Variants in ST6GALNAC2 observed in about 807,000 individuals in gnomAD.
ST6GALNAC2 encodes alpha-N-acetylgalactosaminide alpha-2,6-sialyltransferase 2.
ST6GALNAC2 carries 42 observed loss-of-function variants against 38.7 expected under a neutral mutation model. The observed-to-expected ratio is 1.09, with a 90% CI of 0.85 to 1.40. The LOEUF is 1.40. Ranked by LOEUF, ST6GALNAC2 falls within the 40% of genes most tolerant of loss-of-function variation. The probability of loss-of-function intolerance (pLI) is 0.00; values close to 1 mark genes in which losing one functional copy is unlikely to be tolerated. For synonymous variants in ST6GALNAC2, 233 were observed against 209.0 expected, an observed-to-expected ratio of 1.11 and a Z score of -0.99; for missense variants, 506 against 481.7, an observed-to-expected ratio of 1.05 and a Z score of -0.47.
chr17:76,583,528 A>G lies in ST6GALNAC2; in HGVS notation c.125+2156T>C, dbSNP rs78345906. ...ACTGTCCCCAAAAGATTATTTTTAT[A>G]AGAAAAGGAATTCATTTCTTACAGT... On this transcript the variant is annotated intron_variant, in intron 1 of 8. Coordinates refer to ENST00000225276, the MANE Select transcript of ST6GALNAC2 (RefSeq NM_006456.3). 2.4e-3 allele frequency among the ~76,000 whole-genome samples: 370 copies of G among 152,068 alleles called. 1 individual carries two copies. Among genetic ancestry groups the G allele is most frequent in the African/African-American group, 8.6e-3 (357 of 41,506 alleles).
At chr17:76,567,931 A>AC (rs2075305436) in intron 7 of ST6GALNAC2, 1 of 269,788 alleles carries the variant, frequency 3.7e-6, no homozygotes, top group East Asian at 9.5e-5. Context: ...CTGTGACCGG[A>AC]CCCACACAGT....
intron 2 of ST6GALNAC2, among the ~76,000 whole-genome samples, chr17:76,576,593 A>T (rs1327471009): frequency 6.6e-6 from 1 of 152,130 alleles, no homozygotes; most frequent in Non-Finnish European, 1.5e-5. Flanking sequence ...GCATGTGTGT[A>T]CTTTTTGTGT....
intron 8 of ST6GALNAC2, among the ~76,000 whole-genome samples, chr17:76,566,805 G>A (rs944483511): frequency 6.6e-6 from 1 of 152,006 alleles, no homozygotes; most frequent in Non-Finnish European, 1.5e-5. Context: ...CTGCACTTAA[G>A]CCTGGGTGAC....
At chr17:76,583,383 A>AAAAAAAAAAAAAG (rs2075503171) in intron 1 of ST6GALNAC2, among the ~76,000 whole-genome samples, 1 of 151,304 alleles carries the variant, frequency 6.6e-6, no homozygotes, top group African/African-American at 2.4e-5. Context: ...CCCAAAAAAA[A>AAAAAAAAAAAAAG]AAAGAAGATA....
In ST6GALNAC2 at chr17:76,567,367, C is replaced by T. The variant is rs1431452684; in HGVS notation, c.957+86G>A. The T allele has an allele frequency of 4.1e-5, 40 of 967,684 alleles. 1 individual carries two copies. In the Admixed American group the frequency reaches 5.4e-4, roughly 13 times the overall value. The allele number at this position is 967,684 out of a possible 1,614,324, so 59.9% of individuals were successfully genotyped here. On this transcript the variant is annotated intron_variant, in intron 8 of 8. Transcript: ENST00000225276. Reference sequence around the variant, plus strand: ...GAACAGAGGCCAAGAGTCCCAGCTCCGAGGTAAGGGATATCAGGGGATCCT... The same window carrying T: ...GAACAGAGGCCAAGAGTCCCAGCTCTGAGGTAAGGGATATCAGGGGATCCT...
rs1567930609 is a variant in ST6GALNAC2 at position 76,574,395 on chromosome 17, G to A, written c.331C>T (p.Pro111Ser). 6.2e-7 allele frequency: 1 copy of A among 1,613,694 alleles called. No homozygotes were observed. Among genetic ancestry groups the A allele is most frequent in the Non-Finnish European group, 8.5e-7 (1 of 1,179,834 alleles). ...TGAGAGAGCCCCCGCCAGCCATACGGGGCTTTGTGTTGGCTCAGGCGGTCC... is the reference window on the plus strand; with the variant it reads ...TGAGAGAGCCCCCGCCAGCCATACGAGGCTTTGTGTTGGCTCAGGCGGTCC... ...LWDRLSQHKA[P>S]YGWRGLSHQV... Residue 111 changes from proline (P) to serine (S), a missense_variant, in exon 3 of 9, where the codon CCG (proline) becomes TCG (serine). Coordinates refer to ENST00000225276, the MANE Select transcript of ST6GALNAC2 (RefSeq NM_006456.3).
chr17:76,577,087 A>G (rs1378318614), intron 2 of ST6GALNAC2, among the ~76,000 whole-genome samples: 1 of 120,532 alleles, frequency 8.3e-6, no homozygotes, highest in Non-Finnish European at 1.6e-5. Flanking sequence ...TTTTTTTGAG[A>G]CGGAGTTTCG....
In ST6GALNAC2 at chr17:76,570,717, G is replaced by C. The variant is rs376824198; in HGVS notation, c.670-49C>G. On this transcript the variant is annotated intron_variant, in intron 5 of 8. Transcript: ENST00000225276. ...CCAGAGGGGAACCAGGACATGTTTA[G>C]CTCCTCAGTGTGGACAGCCCTCCAC... 442 of 1,448,154 alleles carry C rather than the reference G, an allele frequency of 3.1e-4. 3 individuals carry two copies. The highest frequency in any genetic ancestry group is 1.6e-4 in the Non-Finnish European group (163 of 1,047,444). 89.7% of individuals were successfully genotyped at this position (1,448,154 alleles called of 1,614,324 possible).
At chr17:76,566,484 G>C (rs2075284682) in intron 8 of ST6GALNAC2, among the ~76,000 whole-genome samples, 1 of 152,070 alleles carries the variant, frequency 6.6e-6, no homozygotes. Context: ...AGCTGGATTT[G>C]GAACTCAAGG....
intron 8 of ST6GALNAC2, 104 bp downstream of exon 8, chr17:76,567,349 G>A: frequency 5.0e-6 from 4 of 805,532 alleles, no homozygotes; most frequent in Non-Finnish European, 8.4e-6. Flanking sequence ...CACGAACAGA[G>A]GCCAAGAGTC....
intron 5 of ST6GALNAC2, 30 bp downstream of exon 5, chr17:76,572,607 C>T: frequency 1.2e-6 from 2 of 1,612,912 alleles, no homozygotes; most frequent in Non-Finnish European, 1.7e-6. Context: ...CCATTGTCAA[C>T]CACAATGGCA....
In ST6GALNAC2 at chr17:76,573,068, C is replaced by T. The variant is rs551931263; in HGVS notation, c.530+127G>A. On this transcript the variant is annotated intron_variant, in intron 4 of 8. Transcript: ENST00000225276. The surrounding 1 kb of genome is among the most constrained non-coding windows in gnomAD (Gnocchi z 5.1). ...TGTTTGTTTTTGCCTTGTCCATGCC[C>T]GTGTGCTGGTCACAACTGCTGAGCC... The T allele has an allele frequency of 1.6e-5, 17 of 1,075,328 alleles. No individual in the cohort carries two copies. The East Asian group carries it at 2.6e-4, about 16-fold the overall frequency. 66.6% of individuals were successfully genotyped at this position (1,075,328 alleles called of 1,614,324 possible).
intron 5 of ST6GALNAC2, among the ~76,000 whole-genome samples, chr17:76,571,405 C>T (rs757067343): frequency 3.3e-5 from 5 of 152,154 alleles, no homozygotes; most frequent in Non-Finnish European, 5.9e-5. Context: ...ACCAGCCTGG[C>T]CAACATGGTG....
rs773610483 is a variant in ST6GALNAC2 at position 76,567,453 on chromosome 17, C to G, written c.957G>C (p.Gln319His). 1 of 1,612,032 alleles carries G rather than the reference C, an allele frequency of 6.2e-7. No individual in the cohort carries two copies. Among genetic ancestry groups the G allele is most frequent in the Non-Finnish European group, 8.5e-7 (1 of 1,178,388 alleles). Reference sequence around the variant, plus strand: ...GCTTCTGGAAGAGAAGGCCTCTTACCTGGTCACAGGTATGCAAAGCTGTCA... The same window carrying G: ...GCTTCTGGAAGAGAAGGCCTCTTACGTGGTCACAGGTATGCAAAGCTGTCA... ...MLLTALHTCDQVSAYGFITSN... is the reference protein window; with the variant it reads ...MLLTALHTCDHVSAYGFITSN... Residue 319 changes from glutamine (Q) to histidine (H), a missense_variant and splice_region_variant, in exon 8 of 9, where the codon CAG becomes CAC. By Grantham distance (24) the Gln-to-His change is conservative. Transcript: ENST00000225276.
In ST6GALNAC2 at chr17:76,578,611, G is replaced by A. The variant is rs2075443234; in HGVS notation, c.186+145C>T. The stretch of plus-strand genomic sequence containing the variant: ...TTGGTCAGGTCTGAGAGGCCCTGAA[G>A]GGACGGATGCTCAGCTGTAACTTAG... On this transcript the variant is annotated intron_variant, in intron 2 of 8. Transcript: ENST00000225276. 4 of 696,302 alleles carry A rather than the reference G, an allele frequency of 5.7e-6. No individual in the cohort carries two copies. In the East Asian group the frequency reaches 8.0e-5, roughly 14 times the overall value. The allele number at this position is 696,302 out of a possible 1,614,324, so 43.1% of individuals were successfully genotyped here.
At chr17:76,585,132 A>T (rs929347663) in intron 1 of ST6GALNAC2, among the ~76,000 whole-genome samples, 2 of 152,006 alleles carry the variant, frequency 1.3e-5, no homozygotes, top group East Asian at 3.9e-4. Flanking sequence ...TCGCGCCCGC[A>T]CTGGGCTTAT....
In ST6GALNAC2 at chr17:76,585,687, G is replaced by T; in HGVS notation, c.122C>A (p.Ala41Asp). 1 of 1,525,506 alleles carries T rather than the reference G, an allele frequency of 6.6e-7. No individual in the cohort carries two copies. Among genetic ancestry groups the T allele is most frequent in the Non-Finnish European group, 8.8e-7 (1 of 1,140,988 alleles). The allele number at this position is 1,525,506 out of a possible 1,614,324, so 94.5% of individuals were successfully genotyped here. ...CTCTGCGCTCGGCAGCCCCTACCTG[G>T]CTCCGGCCGCTGGCCCCGGGTACCG... ...VQRYPGPAAG[A>D]RDTTSFEAFF... Residue 41 changes from alanine (A) to aspartate (D), a missense_variant, in exon 1 of 9, where the codon GCC becomes GAC. Physicochemically the swap from Ala to Asp is moderately radical, Grantham distance 126. Transcript: ENST00000225276.
At chr17:76,576,704 C>T (rs904695878) in intron 2 of ST6GALNAC2, among the ~76,000 whole-genome samples, 1 of 152,132 alleles carries the variant, frequency 6.6e-6, no homozygotes, top group Non-Finnish European at 1.5e-5. Context: ...GGCACGGTGG[C>T]TCATGCCTAT....
At chr17:76,567,607 T>C in intron 7 of ST6GALNAC2, 55 bp from the exon 8 acceptor site, 1 of 1,170,316 alleles carries the variant, frequency 8.5e-7, no homozygotes, top group East Asian at 2.3e-5. Context: ...TCATCACACT[T>C]CACAACTACA....
Sources: allele counts gnomAD v4.1 joint callset (sites outside exome capture counted in the v4.1 genomes callset), GRCh38; gene constraint gnomAD v4.1.1; non-coding constraint Gnocchi (gnomAD v3.1); transcripts MANE v1.5; gene names NCBI Gene and HGNC (gene_info 2026-07-23, HGNC 2026-07-21).